PCDH15: variants seen among roughly 807,000 people sequenced by gnomAD.
The protein encoded by PCDH15 is protocadherin-15.
In PCDH15, 129 loss-of-function variants were observed where a neutral mutation model predicts 178.5. The observed-to-expected ratio is 0.72, with a 90% CI of 0.63 to 0.84. The LOEUF (loss-of-function observed/expected upper bound fraction) is 0.84, where lower values mean the gene tolerates loss of function less well. Among genes scored for constraint, PCDH15 ranks in the 40% least tolerant of loss-of-function variants. PCDH15 has a pLI of 0.00. For missense variants in PCDH15, 2,230 were observed against 2,099.9 expected, an observed-to-expected ratio of 1.06 and a Z score of -1.21; for synonymous variants, 800 against 732.0, an observed-to-expected ratio of 1.09 and a Z score of -1.50.
intron 8 of PCDH15, among the ~76,000 whole-genome samples, chr10:54,242,538 TCTTA>T (rs2131929814): frequency 6.6e-6 from 1 of 152,180 alleles, no homozygotes; most frequent in Non-Finnish European, 1.5e-5. Flanking sequence ...TGAAACCAGT[TCTTA>T]CTTTTAAAAT....
In PCDH15 at chr10:54,035,133, G is replaced by A. The variant is rs16937870; in HGVS notation, c.2221-11936C>T. On this transcript the variant is annotated intron_variant, in intron 18 of 37. Coordinates refer to ENST00000644397, the MANE Select transcript of PCDH15 (RefSeq NM_001384140.1). ...TTCAATGACATGTTATTTATGGAGTGTAACTGTTCCACAGGAGCAGTCTAG... is the reference window on the plus strand; with the variant it reads ...TTCAATGACATGTTATTTATGGAGTATAACTGTTCCACAGGAGCAGTCTAG... 8.1e-3 allele frequency among the ~76,000 whole-genome samples: 1,224 copies of A among 151,942 alleles called. 63 individuals are homozygous for A. In the East Asian group the frequency reaches 0.15, roughly 19 times the overall value.
chr10:55,190,577 T>C (rs536885279), intron 1 of PCDH15, among the ~76,000 whole-genome samples: 1 of 151,816 alleles, frequency 6.6e-6, no homozygotes, highest in Non-Finnish European at 1.5e-5. Flanking sequence ...GAACATAAAC[T>C]GGTCACAAAA....
chr10:55,135,574 CTTTTTTTTT>C (rs56956557), intron 2 of PCDH15, among the ~76,000 whole-genome samples: 21 of 68,222 alleles, frequency 3.1e-4, no homozygotes, highest in East Asian at 9.1e-4. Context: ...TCTTTTCTTT[CTTTTTTTTT>C]TTTTTTTTTT....
At chr10:53,916,520 C>CTCAG (rs10651521) in intron 25 of PCDH15, among the ~76,000 whole-genome samples, 109,697 of 151,510 alleles carry the variant, frequency 0.72, 40,202 homozygotes, top group East Asian at 1. Flanking sequence ...TGACTTTTAG[C>CTCAG]TCAGTTTCTG....
intron 10 of PCDH15, among the ~76,000 whole-genome samples, chr10:54,201,834 T>C (rs997049802): frequency 1.3e-5 from 2 of 152,224 alleles, no homozygotes; most frequent in African/African-American, 4.8e-5. Context: ...AATGTCTTTA[T>C]TCACACATTT....
chr10:54,909,486 C>G (rs1954783006), intron 2 of PCDH15, among the ~76,000 whole-genome samples: 1 of 152,172 alleles, frequency 6.6e-6, no homozygotes, highest in Admixed American at 6.5e-5. Context: ...CAGGTTGTGA[C>G]AACACCTAGG....
At chr10:55,494,754 A>C (rs1010459438) in intron 2 of PCDH15, among the ~76,000 whole-genome samples, 1 of 151,766 alleles carries the variant, frequency 6.6e-6, no homozygotes, top group Non-Finnish European at 1.5e-5. Context: ...AGTGAGATAT[A>C]TATGTAGCAT....
At chr10:54,498,565 C>A (rs933032328) in intron 3 of PCDH15, among the ~76,000 whole-genome samples, 6 of 152,000 alleles carry the variant, frequency 3.9e-5, no homozygotes, top group Non-Finnish European at 7.4e-5. Context: ...CAATGAAACC[C>A]ATAGGCTCTA....
chr10:54,184,921 G>C (rs181237917), intron 12 of PCDH15, among the ~76,000 whole-genome samples: 1 of 151,384 alleles, frequency 6.6e-6, no homozygotes, highest in East Asian at 1.9e-4. Context: ...TCTTCTGTGA[G>C]GAAGAATGTT....
At chr10:55,545,513 T>C (rs1465866982) in intron 2 of PCDH15, among the ~76,000 whole-genome samples, 1 of 151,636 alleles carries the variant, frequency 6.6e-6, no homozygotes, top group Non-Finnish European at 1.5e-5. Context: ...TGACCTCAGG[T>C]GATCCGCCCG....
At chr10:54,142,098 G>T (rs2043461576) in intron 14 of PCDH15, among the ~76,000 whole-genome samples, 1 of 152,114 alleles carries the variant, frequency 6.6e-6, no homozygotes, top group Non-Finnish European at 1.5e-5. Flanking sequence ...TTTGGTCACA[G>T]TTCTGTCACT....
upstream of PCDH15, among the ~76,000 whole-genome samples, chr10:55,321,410 T>G (rs979240650): frequency 1.3e-5 from 2 of 152,054 alleles, no homozygotes; most frequent in East Asian, 3.9e-4. Context: ...AGCAAGCAAC[T>G]TGAAAAACAA....
intron 5 of PCDH15, among the ~76,000 whole-genome samples, chr10:54,361,544 T>C (rs1243418372): frequency 7.4e-6 from 1 of 135,024 alleles, no homozygotes; most frequent in African/African-American, 2.5e-5. Context: ...AAAAGTATTA[T>C]AGTTTTTTTT....
chr10:55,264,975 G>T (rs753723799), intron 1 of PCDH15, among the ~76,000 whole-genome samples: 1 of 152,144 alleles, frequency 6.6e-6, no homozygotes, highest in African/African-American at 2.4e-5. Context: ...AGGGAAGGCT[G>T]CAAGGGGCAA....
intron 14 of PCDH15, among the ~76,000 whole-genome samples, chr10:54,135,574 C>G (rs957614547): frequency 1.3e-5 from 2 of 152,188 alleles, no homozygotes; most frequent in African/African-American, 4.8e-5. Flanking sequence ...GAAGCAGCCC[C>G]AAGATGTAAA....
chr10:55,590,465 T>A (rs1842823435), intron 2 of PCDH15, among the ~76,000 whole-genome samples: 2 of 151,868 alleles, frequency 1.3e-5, no homozygotes, highest in Admixed American at 1.3e-4. Flanking sequence ...AGTATAATAG[T>A]AATAAAATAA....
At chr10:55,437,110 T>C (rs1839059848) in intron 2 of PCDH15, among the ~76,000 whole-genome samples, 1 of 152,200 alleles carries the variant, frequency 6.6e-6, no homozygotes, top group South Asian at 2.1e-4. Flanking sequence ...TCATACAATT[T>C]GAATCTCTCC....
chr10:54,017,220 T>G (rs2092768050), intron 20 of PCDH15, among the ~76,000 whole-genome samples: 1 of 152,000 alleles, frequency 6.6e-6, no homozygotes, highest in African/African-American at 2.4e-5. Context: ...AGGTGGGGTT[T>G]CATCATGTTG....
At chr10:53,976,189 T>C (rs1214523626) in intron 21 of PCDH15, among the ~76,000 whole-genome samples, 1 of 152,090 alleles carries the variant, frequency 6.6e-6, no homozygotes, top group Non-Finnish European at 1.5e-5. Context: ...AATAATATAG[T>C]TTGATGTAGG....
Sources: allele counts gnomAD v4.1 joint callset (sites outside exome capture counted in the v4.1 genomes callset), GRCh38; gene constraint gnomAD v4.1.1; transcripts MANE v1.5; gene names NCBI Gene and HGNC (gene_info 2026-07-23, HGNC 2026-07-21).